The following ESRRG variants were observed in gnomAD, a reference collection of about 807,000 sequenced individuals.
ESRRG encodes the protein estrogen-related receptor gamma.
Under a neutral mutation model 44.0 loss-of-function variants are expected in ESRRG, and 13 were observed. The observed-to-expected ratio is 0.30, with a 90% confidence interval of 0.19 to 0.47. The LOEUF is 0.47. Ranked by LOEUF, ESRRG falls within the 20% of genes least tolerant of loss-of-function variation. The pLI is 1.00. For missense variants in ESRRG, 395 were observed against 580.6 expected (o/e 0.68, Z 3.29); for synonymous variants, 215 against 214.6 (o/e 1.00, Z -0.02).
intron 1 of ESRRG, among the ~76,000 whole-genome samples, chr1:217,027,623 C>T (rs2081421685): frequency 1.3e-5 from 2 of 152,178 alleles, no homozygotes; most frequent in South Asian, 4.2e-4. Flanking sequence ...CACCATTAAA[C>T]TGGAATTAAA....
chr1:217,133,809 A>G (rs923306016), intron 1 of ESRRG, among the ~76,000 whole-genome samples: 2 of 151,926 alleles, frequency 1.3e-5, no homozygotes, highest in African/African-American at 2.4e-5. Context: ...ATCAACAGCT[A>G]AGATAAACCC....
At chr1:216,612,189 G>A (rs1463334758) in intron 3 of ESRRG, among the ~76,000 whole-genome samples, 1 of 152,094 alleles carries the variant, frequency 6.6e-6, no homozygotes, top group Non-Finnish European at 1.5e-5. Flanking sequence ...AGAAAGAGAT[G>A]GATTCAAAAG....
chr1:216,995,057 T>C (rs1428476654), intron 1 of ESRRG, among the ~76,000 whole-genome samples: 1 of 152,170 alleles, frequency 6.6e-6, no homozygotes, highest in African/African-American at 2.4e-5. Context: ...TTAGGAACAC[T>C]AGCCTGCACT....
chr1:216,562,243 C>G (rs562439652), intron 5 of ESRRG, among the ~76,000 whole-genome samples: 2 of 152,142 alleles, frequency 1.3e-5, no homozygotes, highest in Non-Finnish European at 2.9e-5. Context: ...AGTGACACAG[C>G]TTTTCACGCT....
chr1:216,633,512 G>C (rs552524337), intron 3 of ESRRG, among the ~76,000 whole-genome samples: 1 of 152,298 alleles, frequency 6.6e-6, no homozygotes, highest in East Asian at 1.9e-4. Context: ...TACATACATA[G>C]ATATTATGTA....
intron 3 of ESRRG, among the ~76,000 whole-genome samples, chr1:216,585,989 G>A (rs1203318178): frequency 1.3e-5 from 2 of 151,354 alleles, no homozygotes; most frequent in African/African-American, 2.4e-5. Context: ...GCAGTGAGCC[G>A]AGACTGTGCC....
At chr1:216,546,077 C>T (rs964834346) in intron 5 of ESRRG, among the ~76,000 whole-genome samples, 3 of 152,062 alleles carry the variant, frequency 2.0e-5, no homozygotes, top group African/African-American at 7.2e-5. Flanking sequence ...AACATCAGCA[C>T]TATTGACATA....
intron 3 of ESRRG, among the ~76,000 whole-genome samples, chr1:216,613,445 G>A (rs1304705981): frequency 6.6e-6 from 1 of 152,084 alleles, no homozygotes; most frequent in Non-Finnish European, 1.5e-5. Context: ...GGTGCTATAA[G>A]TTTTTCCCTC....
Position 216,694,127 on chromosome 1 carries a change from G to GTT in ESRRG, c.57-16637_57-16636insAA, listed in dbSNP as rs1433413477. On this transcript the variant is annotated intron_variant, in intron 1 of 6. Transcript: ENST00000408911. ...TTCACCAGCACTGTCATTTGCTAAA[G>GTT]GTAAACTCTGACATGGTATCTACAA... Among the ~76,000 whole-genome samples, 272 of 152,262 alleles carry GTT rather than the reference G, an allele frequency of 1.8e-3. 2 individuals carry two copies. The highest frequency in any genetic ancestry group is 6.2e-3 in the African/African-American group (256 of 41,534).
At chr1:216,889,762 A>G (rs149321031) in intron 2 of ESRRG, among the ~76,000 whole-genome samples, 107 of 152,324 alleles carry the variant, frequency 7.0e-4, no homozygotes, top group Middle Eastern at 3.4e-3. Flanking sequence ...CGCTTTCCTG[A>G]TAAATCAATT....
At chr1:216,809,570 T>G (rs1232352637) in intron 2 of ESRRG, among the ~76,000 whole-genome samples, 1 of 152,154 alleles carries the variant, frequency 6.6e-6, no homozygotes, top group Non-Finnish European at 1.5e-5. Flanking sequence ...ATCAGTGTGT[T>G]TAGAAAACAA....
chr1:216,748,327 C>T (rs2091644653), intron 2 of ESRRG, among the ~76,000 whole-genome samples: 1 of 152,042 alleles, frequency 6.6e-6, no homozygotes, highest in African/African-American at 2.4e-5. Context: ...TTTTTTAATG[C>T]AGTAGTAGCA....
chr1:216,760,996 G>A (rs12755597), intron 2 of ESRRG, among the ~76,000 whole-genome samples: 31,555 of 151,790 alleles, frequency 0.21, 3,399 homozygotes, highest in Middle Eastern at 0.33. Flanking sequence ...AGTCTCCTTT[G>A]TTCATATCGG....
chr1:216,735,377 A>C (rs1384786719), intron 2 of ESRRG, among the ~76,000 whole-genome samples: 1 of 150,742 alleles, frequency 6.6e-6, no homozygotes, highest in African/African-American at 2.4e-5. Context: ...ATTAAAAAAA[A>C]AAAAATTGTT....
chr1:216,599,595 C>G (rs377638384), intron 3 of ESRRG, among the ~76,000 whole-genome samples: 2 of 152,066 alleles, frequency 1.3e-5, no homozygotes, highest in African/African-American at 4.8e-5. Context: ...CATTTATTTT[C>G]CAGAAAATTA....
chr1:216,641,892 G>C (rs1315638658), intron 3 of ESRRG, among the ~76,000 whole-genome samples: 1 of 152,144 alleles, frequency 6.6e-6, no homozygotes, highest in Non-Finnish European at 1.5e-5. Context: ...TCACAGTGCT[G>C]GGAAACTTAT....
intron 2 of ESRRG, among the ~76,000 whole-genome samples, chr1:216,882,285 T>C (rs1276033696): frequency 6.6e-6 from 1 of 152,202 alleles, no homozygotes; most frequent in Non-Finnish European, 1.5e-5. Context: ...ATGCAAGCTT[T>C]GTCAGCTACC....
At chr1:216,516,250 G>A (rs1475797475) in intron 6 of ESRRG, among the ~76,000 whole-genome samples, 1 of 152,104 alleles carries the variant, frequency 6.6e-6, no homozygotes, top group East Asian at 1.9e-4. Context: ...GGTTTTCAAA[G>A]ATTTGAATGT....
At chr1:216,893,085 A>ACGG (rs1577772825) in intron 2 of ESRRG, among the ~76,000 whole-genome samples, 1 of 152,176 alleles carries the variant, frequency 6.6e-6, no homozygotes, top group Non-Finnish European at 1.5e-5. Flanking sequence ...TTTGATATGT[A>ACGG]CCAAACTCAA....
Sources: gnomAD v4.1 joint callset for allele counts (sites outside exome capture counted in the v4.1 genomes callset) on GRCh38, gnomAD v4.1.1 for gene constraint, MANE v1.5 for transcripts, NCBI Gene and HGNC (gene_info 2026-07-23, HGNC 2026-07-21) for gene names.